GRIK3: variants seen among roughly 807,000 people sequenced by gnomAD.
GRIK3 encodes the protein glutamate receptor ionotropic, kainate 3.
GRIK3 carries 29 observed loss-of-function variants against 102.5 expected under a neutral mutation model. The ratio of observed to expected loss-of-function variants is 0.28; its 90% CI spans 0.21 to 0.39. The LOEUF is 0.39. Among genes scored for constraint, GRIK3 ranks in the 10% least tolerant of loss-of-function variants. GRIK3 has a pLI of 1.00. For missense variants in GRIK3, 908 were observed against 1,252.4 expected, an observed-to-expected ratio of 0.73 and a Z score of 4.15; for synonymous variants, 511 against 504.9, an observed-to-expected ratio of 1.01 and a Z score of -0.16.
intron 1 of GRIK3, among the ~76,000 whole-genome samples, chr1:37,021,246 A>T (rs2124076730): frequency 6.6e-6 from 1 of 152,110 alleles, no homozygotes; most frequent in East Asian, 1.9e-4. Flanking sequence ...AAGGGACATG[A>T]CACAAGTCAT....
chr1:36,884,165 T>C (rs1641013729), intron 2 of GRIK3, among the ~76,000 whole-genome samples: 1 of 152,204 alleles, frequency 6.6e-6, no homozygotes, highest in African/African-American at 2.4e-5. Flanking sequence ...GGTGCTTCTG[T>C]AGTTCTGGGA....
intron 1 of GRIK3, among the ~76,000 whole-genome samples, chr1:36,901,917 T>C (rs114241343): frequency 0.011 from 1,648 of 152,344 alleles, 27 homozygotes; most frequent in African/African-American, 0.036. Context: ...CAAAAGTCAA[T>C]TGCTTTTCTA....
intron 1 of GRIK3, among the ~76,000 whole-genome samples, chr1:36,941,690 G>T (rs1179431830): frequency 1.3e-5 from 2 of 152,204 alleles, no homozygotes; most frequent in Non-Finnish European, 2.9e-5. Flanking sequence ...GCTGTGCTGG[G>T]CGCTTTCTAG....
At position 36,997,496 on chromosome 1, in the gene GRIK3, T is replaced by C. The variant is rs138752777; in HGVS notation, c.115+36498A>G. ...CAGAGAGAGGGAGCTGGCCCCCCTA[T>C]ACTCCATGGCACTGGGCAGGGGGGC... On this transcript the variant is annotated intron_variant, in intron 1 of 15. Transcript: ENST00000373091. 4.6e-5 allele frequency among the ~76,000 whole-genome samples: 7 copies of C among 152,312 alleles called. No homozygotes were observed. The East Asian group carries it at 1.4e-3, about 29-fold the overall frequency.
chr1:37,019,603 C>G (rs922177536), intron 1 of GRIK3, among the ~76,000 whole-genome samples: 4 of 152,102 alleles, frequency 2.6e-5, no homozygotes, highest in African/African-American at 9.7e-5. Context: ...TGTTTCATTG[C>G]CCCCGCATCC....
intron 1 of GRIK3, among the ~76,000 whole-genome samples, chr1:36,954,433 C>T (rs966275884): frequency 1.3e-5 from 2 of 152,294 alleles, no homozygotes; most frequent in Non-Finnish European, 2.9e-5. Flanking sequence ...AGGTCATCTG[C>T]GGGAGAAGTG....
At chr1:36,951,856 C>T (rs1232566597) in intron 1 of GRIK3, among the ~76,000 whole-genome samples, 4 of 148,478 alleles carry the variant, frequency 2.7e-5, no homozygotes, top group East Asian at 4.0e-4. Flanking sequence ...GGTTGGAGGG[C>T]GGAGGGGCGG....
intron 1 of GRIK3, among the ~76,000 whole-genome samples, chr1:36,988,603 A>G (rs1642330862): frequency 6.6e-6 from 1 of 152,254 alleles, no homozygotes; most frequent in African/African-American, 2.4e-5. Context: ...TGAGTGTTGC[A>G]AAGTGAAACT....
chr1:36,805,990 T>G (rs1570734589), intron 14 of GRIK3, 114 bp downstream of exon 14: 6 of 441,890 alleles, frequency 1.4e-5, no homozygotes, highest in Non-Finnish European at 1.6e-5. Context: ...AGAGAAAACG[T>G]CACCTTTATC....
chr1:36,945,616 C>A (rs981384194), intron 1 of GRIK3, among the ~76,000 whole-genome samples: 1 of 152,200 alleles, frequency 6.6e-6, no homozygotes, highest in African/African-American at 2.4e-5. Context: ...GAGGCACAAT[C>A]TGAGCCTCCT....
chr1:36,959,797 AC>A (rs1488320186), intron 1 of GRIK3, among the ~76,000 whole-genome samples: 4 of 39,624 alleles, frequency 1.0e-4, no homozygotes, highest in African/African-American at 2.7e-4. Flanking sequence ...GAGCCTGTGT[AC>A]CCCATGACTC....
intron 1 of GRIK3, among the ~76,000 whole-genome samples, chr1:36,969,993 T>C (rs914190803): frequency 2.6e-5 from 4 of 152,236 alleles, no homozygotes; most frequent in African/African-American, 9.6e-5. Flanking sequence ...TTATCTCCAA[T>C]GGCAGTGTGA....
At chr1:36,852,209 AG>A (rs1464901961) in intron 8 of GRIK3, among the ~76,000 whole-genome samples, 1 of 152,212 alleles carries the variant, frequency 6.6e-6, no homozygotes, top group African/African-American at 2.4e-5. Context: ...ACAGAGTAAT[AG>A]GGAGGCTTCC....
intron 10 of GRIK3, among the ~76,000 whole-genome samples, chr1:36,840,134 C>A (rs548623814): frequency 6.6e-6 from 1 of 152,236 alleles, no homozygotes; most frequent in African/African-American, 2.4e-5. Flanking sequence ...GGCTCCACCA[C>A]TTCATCTCTT....
chr1:36,997,671 G>A (rs1453498659), intron 1 of GRIK3, among the ~76,000 whole-genome samples: 6 of 152,048 alleles, frequency 3.9e-5, no homozygotes, highest in African/African-American at 1.2e-4. Context: ...GGGAGGGGCC[G>A]GGGGTGACCA....
intron 1 of GRIK3, among the ~76,000 whole-genome samples, chr1:36,932,823 G>T (rs1190015446): frequency 6.6e-6 from 1 of 152,100 alleles, no homozygotes; most frequent in African/African-American, 2.4e-5. Flanking sequence ...ACACCCTGAG[G>T]CTAGGTACTG....
At chr1:36,882,867 T>G (rs1640997476) in intron 2 of GRIK3, among the ~76,000 whole-genome samples, 1 of 152,130 alleles carries the variant, frequency 6.6e-6, no homozygotes, top group East Asian at 1.9e-4. Context: ...GACTTAGAAT[T>G]TGCATGAACC....
chr1:36,847,049 G>C (rs1473323765), intron 9 of GRIK3, among the ~76,000 whole-genome samples: 5 of 152,232 alleles, frequency 3.3e-5, no homozygotes, highest in African/African-American at 9.6e-5. Flanking sequence ...GTGATCTCTG[G>C]GCAGTGGGGA....
In GRIK3 at chr1:36,806,026, G is replaced by A. The variant is rs531612978; in HGVS notation, c.2314+78C>T. ...AGCCCCATGGAATGAGCTGTGAGAC[G>A]GAGTGTGAGGGGACGCGGGGGTGGA... On this transcript the variant is annotated intron_variant, in intron 14 of 15. Coordinates refer to ENST00000373091, the MANE Select transcript of GRIK3 (RefSeq NM_000831.4). The surrounding 1 kb of genome is among the most constrained non-coding windows in gnomAD (Gnocchi z 4.0). 136 of 836,594 alleles carry A rather than the reference G, an allele frequency of 1.6e-4. No homozygotes were observed. The South Asian group carries it at 1.9e-3, about 12-fold the overall frequency. 51.8% of individuals were successfully genotyped at this position (836,594 alleles called of 1,614,324 possible).
Sources: gnomAD v4.1 joint callset for allele counts (sites outside exome capture counted in the v4.1 genomes callset) on GRCh38, gnomAD v4.1.1 for gene constraint, Gnocchi (gnomAD v3.1) non-coding constraint, MANE v1.5 for transcripts, NCBI Gene and HGNC (gene_info 2026-07-23, HGNC 2026-07-21) for gene names.